The following KAZN variants were observed in gnomAD, a reference collection of about 807,000 sequenced individuals.
The protein encoded by KAZN is kazrin.
A neutral mutation model predicts 87.4 loss-of-function variants in KAZN; 40 were observed. The ratio of observed to expected loss-of-function variants is 0.46; its 90% CI spans 0.36 to 0.60. The LOEUF (loss-of-function observed/expected upper bound fraction) is 0.60, where lower values mean the gene tolerates loss of function less well. Among genes scored for constraint, KAZN ranks in the 20% least tolerant of loss-of-function variants. KAZN has a pLI of 0.00. For synonymous variants in KAZN, 466 were observed against 458.3 expected (o/e 1.02, Z -0.22); for missense variants, 898 against 1,073.9 (o/e 0.84, Z 2.29).
At chr1:14,466,923 C>A (rs574596777) in intron 2 of KAZN, among the ~76,000 whole-genome samples, 1 of 152,210 alleles carries the variant, frequency 6.6e-6, no homozygotes, top group East Asian at 1.9e-4. Context: ...GAGCCGAGAT[C>A]GCGCCACTGC....
rs1198633000 is a variant in KAZN at position 15,101,533 on chromosome 1, TC to T, written c.1548-8del. 6.5e-7 allele frequency: 1 copy of T among 1,545,632 alleles called. No homozygotes were observed. Among genetic ancestry groups the T allele is most frequent in the East Asian group, 2.4e-5 (1 of 40,848 alleles). On this transcript the variant is annotated splice_polypyrimidine_tract_variant and intron_variant, in intron 10 of 14. Transcript: ENST00000376030. Reference sequence around the variant, plus strand: ...CACCCATCCACTCTCTGGCTATGTCTCCTCCCCAGCCTGTCCAAAGCTGCCG... The same window carrying T: ...CACCCATCCACTCTCTGGCTATGTCTCTCCCCAGCCTGTCCAAAGCTGCCG...
intron 1 of KAZN, among the ~76,000 whole-genome samples, chr1:14,878,091 T>G (rs1009716558): frequency 2.6e-5 from 4 of 152,168 alleles, no homozygotes; most frequent in African/African-American, 9.6e-5. Context: ...CTCCGACATA[T>G]TGGCTGTGTG....
chr1:13,999,712 T>C (rs527587440), intron 1 of KAZN, among the ~76,000 whole-genome samples: 90 of 152,104 alleles, frequency 5.9e-4, no homozygotes, highest in Non-Finnish European at 1.2e-4. Context: ...CAGAGCAGAA[T>C]TGAAGGAGAT....
At chr1:14,528,411 C>T (rs577665373) in intron 2 of KAZN, among the ~76,000 whole-genome samples, 5 of 150,066 alleles carry the variant, frequency 3.3e-5, no homozygotes, top group East Asian at 2.0e-4. Flanking sequence ...ATCTGCCACA[C>T]GCTGACCTCT....
chr1:14,855,816 A>G lies in KAZN; in HGVS notation c.227-104868A>G, dbSNP rs74059616. ...AGGGTTGGAATTTGAAACCACCTCT[A>G]AAGTCTTGCAACCGCGCTAAGCCAT... On this transcript the variant is annotated intron_variant, in intron 1 of 14. Transcript: ENST00000376030. Among the ~76,000 whole-genome samples, 1,194 of 152,328 alleles carry G rather than the reference A, an allele frequency of 7.8e-3. 15 individuals carry two copies. The highest frequency in any genetic ancestry group is 0.028 in the African/African-American group (1,144 of 41,576).
In KAZN at chr1:15,066,899, C is replaced by T. The variant is rs552416890; in HGVS notation, c.1222+1146C>T. 1.3e-4 allele frequency: 132 copies of T among 985,468 alleles called. No individual in the cohort carries two copies. In the South Asian group the frequency reaches 4.6e-3, roughly 34 times the overall value. The allele number at this position is 985,468 out of a possible 1,614,324, so 61.0% of individuals were successfully genotyped here. ...CACCCAGAGCTCCCTCCAGGCCTTT[C>T]TCTATATATTTATTTATCTGACATA... On this transcript the variant is annotated intron_variant, in intron 8 of 14. Coordinates refer to ENST00000376030, the MANE Select transcript of KAZN (RefSeq NM_201628.3). This position sits in a 1 kb window ranked among gnomAD's most constrained non-coding sequence, Gnocchi z 4.3.
intron 2 of KAZN, among the ~76,000 whole-genome samples, chr1:14,239,834 G>A (rs1182881496): frequency 6.6e-6 from 1 of 152,014 alleles, no homozygotes; most frequent in Admixed American, 6.6e-5. Flanking sequence ...ATTTTTGGTT[G>A]CCACAACCAA....
intron 1 of KAZN, among the ~76,000 whole-genome samples, chr1:14,655,544 C>A (rs548526495): frequency 1.3e-5 from 2 of 152,186 alleles, no homozygotes; most frequent in African/African-American, 4.8e-5. Flanking sequence ...TGGTTTAAAT[C>A]ACCAGCCGTC....
intron 1 of KAZN, among the ~76,000 whole-genome samples, chr1:14,826,020 C>T (rs1646875862): frequency 6.6e-6 from 1 of 152,182 alleles, no homozygotes; most frequent in African/African-American, 2.4e-5. Context: ...GATTCAATTG[C>T]TCCTCAAAGT....
intron 1 of KAZN, among the ~76,000 whole-genome samples, chr1:13,942,033 A>G (rs12135282): frequency 0.14 from 21,094 of 152,098 alleles, 1,550 homozygotes; most frequent in Middle Eastern, 0.22. Context: ...GGGCCAACAA[A>G]TATTGAAATT....
chr1:14,487,922 T>C (rs1669432695), intron 2 of KAZN, among the ~76,000 whole-genome samples: 1 of 152,060 alleles, frequency 6.6e-6, no homozygotes, highest in Admixed American at 6.5e-5. Flanking sequence ...AGTGATTCAG[T>C]TGGGATGTGC....
chr1:14,051,095 G>A (rs1310245094), intron 1 of KAZN, among the ~76,000 whole-genome samples: 1 of 152,252 alleles, frequency 6.6e-6, no homozygotes, highest in East Asian at 1.9e-4. Context: ...TATAGCCAAG[G>A]ATTGAAGGGA....
intron 1 of KAZN, among the ~76,000 whole-genome samples, chr1:13,975,222 G>T (rs6701273): frequency 1.7e-4 from 26 of 152,162 alleles, no homozygotes; most frequent in African/African-American, 6.3e-4. Flanking sequence ...ATCGAATTTG[G>T]CACTTTCTGT....
chr1:14,086,352 C>T (rs1467084950), intron 1 of KAZN, among the ~76,000 whole-genome samples: 2 of 152,096 alleles, frequency 1.3e-5, no homozygotes, highest in African/African-American at 4.8e-5. Context: ...CCTCCCCTCC[C>T]CCAGGTCTCC....
At chr1:14,718,825 G>A (rs948819529) in intron 1 of KAZN, among the ~76,000 whole-genome samples, 3 of 152,280 alleles carry the variant, frequency 2.0e-5, no homozygotes, top group East Asian at 3.9e-4. Flanking sequence ...TTAGGGCTAC[G>A]TGGAGGGCTG....
In KAZN at chr1:14,773,984, C is replaced by T. The variant is rs780397709; in HGVS notation, c.226+174761C>T. On this transcript the variant is annotated intron_variant, in intron 1 of 14. Transcript: ENST00000376030. This position sits in a 1 kb window ranked among gnomAD's most constrained non-coding sequence, Gnocchi z 5.9. ...AGCCCATGGCTGCTGCCAACCAAGG[C>T]GCCCTTGTGGGCTGTTCACCTGAGC... is the stretch of plus-strand genomic sequence containing the variant. Among the ~76,000 whole-genome samples the T allele has an allele frequency of 2.6e-5, 4 of 152,364 alleles. No homozygotes were observed. Among genetic ancestry groups the T allele is most frequent in the African/African-American group, 4.8e-5 (2 of 41,588 alleles).
intron 1 of KAZN, among the ~76,000 whole-genome samples, chr1:14,819,341 G>C (rs973825610): frequency 2.0e-5 from 3 of 152,176 alleles, no homozygotes; most frequent in Admixed American, 1.3e-4. Flanking sequence ...TGGCTGGGCT[G>C]TGGGGCCCAG....
intron 2 of KAZN, among the ~76,000 whole-genome samples, chr1:14,974,573 G>C (rs1665410643): frequency 1.3e-5 from 2 of 152,106 alleles, no homozygotes; most frequent in Admixed American, 6.6e-5. Flanking sequence ...CGGCCCAAAG[G>C]CTCATCAACA....
intron 1 of KAZN, among the ~76,000 whole-genome samples, chr1:13,912,752 C>T (rs184455653): frequency 5.9e-5 from 9 of 152,132 alleles, no homozygotes; most frequent in Admixed American, 3.3e-4. Flanking sequence ...TACAGGGGTG[C>T]AGCACCACAC....
Sources: gnomAD v4.1 joint callset for allele counts (sites outside exome capture counted in the v4.1 genomes callset) on GRCh38, gnomAD v4.1.1 for gene constraint, Gnocchi (gnomAD v3.1) non-coding constraint, MANE v1.5 for transcripts, NCBI Gene and HGNC (gene_info 2026-07-23, HGNC 2026-07-21) for gene names.